Variants in SMARCAL1 observed in about 807,000 individuals in gnomAD.
SMARCAL1 encodes ATP-driven annealing helicase.
A neutral mutation model predicts 94.5 loss-of-function variants in SMARCAL1; 58 were observed. That is an observed-to-expected ratio of 0.61 (90% CI 0.50 to 0.76). The LOEUF (loss-of-function observed/expected upper bound fraction) is 0.76, where lower values mean the gene tolerates loss of function less well. SMARCAL1 is among the 30% of genes least tolerant of loss of function. SMARCAL1 has a pLI of 0.00. For missense variants in SMARCAL1, 1,051 were observed against 1,177.9 expected (o/e 0.89, Z 1.58); for synonymous variants, 422 against 455.1 (o/e 0.93, Z 0.93).
intron 12 of SMARCAL1, among the ~76,000 whole-genome samples, chr2:216,460,149 C>A (rs1694663623): frequency 6.6e-6 from 1 of 152,262 alleles, no homozygotes; most frequent in African/African-American, 2.4e-5. Flanking sequence ...CCATCTCACA[C>A]CAGTTAGAAT....
chr2:216,460,600 A>AAACG (rs71054475), intron 12 of SMARCAL1, among the ~76,000 whole-genome samples: 1 of 146,838 alleles, frequency 6.8e-6, no homozygotes, highest in East Asian at 2.1e-4. Context: ...AAAACCAAAC[A>AAACG]CTGCATGTTC....
intron 12 of SMARCAL1, among the ~76,000 whole-genome samples, chr2:216,463,657 A>G (rs1245313072): frequency 6.6e-6 from 1 of 152,214 alleles, no homozygotes; most frequent in Non-Finnish European, 1.5e-5. Flanking sequence ...ACTTAAATGT[A>G]AACCATAAAG....
chr2:216,414,075 A>C (rs2106013484), intron 2 of SMARCAL1, 183 bp downstream of exon 2: 1 of 152,968 alleles, frequency 6.5e-6, no homozygotes, highest in South Asian at 2.1e-4. Context: ...AGTGCTTCGA[A>C]CCATTGAGTT....
rs761355502 is a variant in SMARCAL1, at chr2:216,464,601, A to G, written c.2075A>G (p.Gln692Arg). The change falls in exon 13 of 18, where the codon CAG becomes CGG. Residue 692 changes from glutamine (Q) to arginine (R), a missense_variant. By Grantham distance (43) the Gln-to-Arg change is conservative. This residue lies in a region of SMARCAL1 where 642 missense variants were observed against 754.7 expected (regional missense o/e 0.85). Coordinates refer to ENST00000357276, the MANE Select transcript of SMARCAL1 (RefSeq NM_014140.4). Reference sequence around the variant, plus strand: ...TCTTAACTTATCTTTCAACAGAAACAGCAGCAGAAAGATGCCCTCATTCTC... The same window carrying G: ...TCTTAACTTATCTTTCAACAGAAACGGCAGCAGAAAGATGCCCTCATTCTC... ...KEMTTKDKTK[Q>R]QQKDALILFF... 1 of 1,612,394 alleles carries G rather than the reference A, an allele frequency of 6.2e-7. No individual in the cohort carries two copies. The highest frequency in any genetic ancestry group is 8.5e-7 in the Non-Finnish European group (1 of 1,178,532).
Position 216,428,637 on chromosome 2 carries a change from CT to C in SMARCAL1, c.1190del (p.Leu397ArgfsTer40), listed in dbSNP as rs766291662. 92 of 1,614,186 alleles carry C rather than the reference CT, an allele frequency of 5.7e-5. No homozygotes were observed. Among genetic ancestry groups the C allele is most frequent in the Non-Finnish European group, 7.4e-5 (87 of 1,180,038 alleles). ...CCTCCCACAAGTTCAGCTGGACCCTCTGCCCACGACTCTCACCCTGGCGTTT... is the reference window on the plus strand; with the variant it reads ...CCTCCCACAAGTTCAGCTGGACCCTCGCCCACGACTCTCACCCTGGCGTTT... Reference protein sequence around the residue: ...RCLPQVQLDPLPTTLTLAFAS... With the variant: ...RCLPQVQLDPXPTTLTLAFAS... On this transcript the variant is annotated frameshift_variant, in exon 7 of 18. Transcript: ENST00000357276. LOFTEE classifies it high-confidence loss of function.
intron 11 of SMARCAL1, among the ~76,000 whole-genome samples, chr2:216,447,462 C>T (rs1029450892): frequency 1.3e-5 from 2 of 152,016 alleles, no homozygotes; most frequent in Non-Finnish European, 2.9e-5. Context: ...CCCTCTTGCC[C>T]AGGGTCACAG....
Position 216,416,273 on chromosome 2 carries a change from G to A in SMARCAL1, c.828G>A (p.Thr276=), listed in dbSNP as rs368683635. 5 of 1,613,830 alleles carry A rather than the reference G, an allele frequency of 3.1e-6. No individual in the cohort carries two copies. In the Admixed American group the frequency reaches 5.0e-5, roughly 16 times the overall value. ...PSKNYDPDTK[T]WNFSMNDYSA... is the part of the protein sequence containing the mutation. ...TTGTTTCAGATCCTGACACCAAGACGTGGAACTTCAGCATGAATGACTATA... is the reference window on the plus strand; with the variant it reads ...TTGTTTCAGATCCTGACACCAAGACATGGAACTTCAGCATGAATGACTATA... Residue 276 remains threonine, a synonymous_variant, in exon 4 of 18, where the codon ACG becomes ACA. Transcript: ENST00000357276.
intron 12 of SMARCAL1, among the ~76,000 whole-genome samples, chr2:216,457,345 GACATCT>G (rs1334159492): frequency 6.6e-6 from 1 of 152,148 alleles, no homozygotes; most frequent in Non-Finnish European, 1.5e-5. Context: ...GGACCTAATA[GACATCT>G]ACAGAACTCT....
intron 10 of SMARCAL1, among the ~76,000 whole-genome samples, chr2:216,443,366 C>CA (rs34568945): frequency 0.58 from 47,054 of 80,908 alleles, 13,270 homozygotes; most frequent in East Asian, 0.77. Flanking sequence ...CACTCTGTCT[C>CA]AAAAAAAAAA....
intron 15 of SMARCAL1, among the ~76,000 whole-genome samples, chr2:216,476,466 G>A (rs749625321): frequency 8.6e-5 from 13 of 152,002 alleles, no homozygotes; most frequent in East Asian, 1.9e-4. Context: ...ACAGGTGCAC[G>A]CCTCCATGCC....
At chr2:216,432,693 C>T (rs370051626) in intron 7 of SMARCAL1, 25 bp from the exon 8 acceptor site, 11 of 1,613,802 alleles carry the variant, frequency 6.8e-6, no homozygotes, top group Non-Finnish European at 9.3e-6. Context: ...GGGAAATGTG[C>T]CATCCTCACC....
chr2:216,456,034 C>T (rs528147813), intron 12 of SMARCAL1, among the ~76,000 whole-genome samples: 11 of 152,212 alleles, frequency 7.2e-5, no homozygotes, highest in African/African-American at 2.2e-4. Flanking sequence ...AACCATGGCA[C>T]GAGAACTACG....
chr2:216,419,057 A>G (rs1298031917), intron 4 of SMARCAL1, among the ~76,000 whole-genome samples: 1 of 152,162 alleles, frequency 6.6e-6, no homozygotes, highest in Non-Finnish European at 1.5e-5. Flanking sequence ...TTCCAGTTTT[A>G]AAGCTGTAGA....
chr2:216,446,067 G>C (rs184028), intron 10 of SMARCAL1, among the ~76,000 whole-genome samples: 71,982 of 151,990 alleles, frequency 0.47, 19,913 homozygotes, highest in African/African-American at 0.78. Context: ...TGAATTTTAC[G>C]TCCAGTAATT....
intron 14 of SMARCAL1, among the ~76,000 whole-genome samples, chr2:216,468,692 C>G (rs182540550): frequency 9.9e-5 from 15 of 152,192 alleles, no homozygotes; most frequent in African/African-American, 3.6e-4. Flanking sequence ...CCATGTATCT[C>G]CCACCCAGAT....
intron 12 of SMARCAL1, among the ~76,000 whole-genome samples, chr2:216,453,993 A>G (rs1230888696): frequency 6.6e-6 from 1 of 152,242 alleles, no homozygotes; most frequent in Non-Finnish European, 1.5e-5. Context: ...GCTGACTGTA[A>G]TCATCTTTTG....
chr2:216,430,185 G>A (rs182182236), intron 7 of SMARCAL1, among the ~76,000 whole-genome samples: 5 of 152,112 alleles, frequency 3.3e-5, no homozygotes, highest in African/African-American at 1.2e-4. Flanking sequence ...TAAAGTACTT[G>A]TAATCTTTCT....
chr2:216,443,480 G>C (rs1694243470), intron 10 of SMARCAL1, among the ~76,000 whole-genome samples: 1 of 151,722 alleles, frequency 6.6e-6, no homozygotes. Flanking sequence ...TATACATGCA[G>C]TCACTGTCTT....
intron 12 of SMARCAL1, among the ~76,000 whole-genome samples, chr2:216,455,767 A>G (rs535699820): frequency 2.4e-4 from 36 of 152,318 alleles, no homozygotes; most frequent in African/African-American, 7.7e-4. Flanking sequence ...GAGCAGAAAA[A>G]CTGAAAATTC....
Sources: gnomAD v4.1 joint callset for allele counts (sites outside exome capture counted in the v4.1 genomes callset) on GRCh38, gnomAD v4.1.1 for gene constraint, gnomAD v4.1.1 regional missense constraint, MANE v1.5 for transcripts, NCBI Gene and HGNC (gene_info 2026-07-23, HGNC 2026-07-21) for gene names.